Variants in KAZALD1 observed in about 807,000 individuals in gnomAD.
KAZALD1 encodes Kazal type serine peptidase inhibitor domain 1, also known as kazal-type serine protease inhibitor domain-containing protein 1.
A neutral mutation model predicts 27.7 loss-of-function variants in KAZALD1; 31 were observed. The ratio of observed to expected loss-of-function variants is 1.12; its 90% CI spans 0.84 to 1.51. The LOEUF is 1.51. KAZALD1 is among the 40% of genes most tolerant of loss of function. The pLI, the probability that KAZALD1 is intolerant of heterozygous loss-of-function variation, is 0.00. For synonymous variants in KAZALD1, 179 were observed against 182.0 expected (o/e 0.98, Z 0.13); for missense variants, 444 against 408.9 (o/e 1.09, Z -0.74).
chr10:101,066,911 T>C lies in KAZALD1; in HGVS notation c.*1991T>C, dbSNP rs908625811. The C allele has an allele frequency of 1.6e-5, 5 of 317,858 alleles. No homozygotes were observed. Among genetic ancestry groups the C allele is most frequent in the Non-Finnish European group, 2.5e-5 (4 of 162,654 alleles). The allele number at this position is 317,858 out of a possible 1,614,324, so 19.7% of individuals were successfully genotyped here. On this transcript the variant is annotated 3_prime_UTR_variant, in exon 5 of 5. Coordinates refer to ENST00000370200, the MANE Select transcript of KAZALD1 (RefSeq NM_030929.5). The stretch of plus-strand genomic sequence containing the variant: ...ACCACAGCCTGGAATGGGAGAACTG[T>C]TGTCCACCGCCCCCTCCCTCCCCGC...
downstream of KAZALD1, chr10:101,068,130 A>C: frequency 2.4e-6 from 1 of 421,314 alleles, no homozygotes; most frequent in Non-Finnish European, 5.0e-6. Flanking sequence ...AAGATGCTTC[A>C]ATTTGTATTC....
chr10:101,062,737 G>C lies in KAZALD1; in HGVS notation c.145G>C (p.Glu49Gln), dbSNP rs1260597028. 5.8e-6 allele frequency: 9 copies of C among 1,540,684 alleles called. No homozygotes were observed. The highest frequency in any genetic ancestry group is 7.8e-6 in the Non-Finnish European group (9 of 1,152,380). ...GCGCGGCTGGATGCGGCTGCTAGCGGAGGGCGAGGGCTGCGCTCCCTGCCG... is the reference window on the plus strand; with the variant it reads ...GCGCGGCTGGATGCGGCTGCTAGCGCAGGGCGAGGGCTGCGCTCCCTGCCG... The part of the protein sequence containing the change: ...LRRGWMRLLA[E>Q]GEGCAPCRPE... The change falls in exon 2 of 5, where the codon GAG (glutamate) becomes CAG (glutamine). Residue 49 changes from glutamate to glutamine, a missense_variant. By Grantham distance (29) the Glu-to-Gln change is conservative. Coordinates refer to ENST00000370200, the MANE Select transcript of KAZALD1 (RefSeq NM_030929.5).
Position 101,064,906 on chromosome 10 carries a change from G to A in KAZALD1, c.901G>A (p.Asp301Asn), listed in dbSNP as rs1336077913. Residue 301 changes from aspartate (D) to asparagine (N), a missense_variant, in exon 5 of 5, where the codon GAC becomes AAC. Transcript: ENST00000370200. ...PEEEAESEEN[D>N]DYY ...GGAGGAGGCTGAGAGTGAAGAGAATGACGATTACTACTAGGTCCAGAGCTC... is the reference window on the plus strand; with the variant it reads ...GGAGGAGGCTGAGAGTGAAGAGAATAACGATTACTACTAGGTCCAGAGCTC... 1 of 1,613,202 alleles carries A rather than the reference G, an allele frequency of 6.2e-7. No individual in the cohort carries two copies. The highest frequency in any genetic ancestry group is 1.1e-5 in the South Asian group (1 of 91,060).
downstream of KAZALD1, chr10:101,067,115 C>T (rs1939342802): frequency 5.8e-6 from 2 of 343,976 alleles, no homozygotes; most frequent in African/African-American, 2.2e-5. Flanking sequence ...AATAATTTCC[C>T]GCTGCTCCCG....
At position 101,065,813 on chromosome 10, in the gene KAZALD1, G is replaced by T. The variant is rs1194059588; in HGVS notation, c.*893G>T. Among the ~76,000 whole-genome samples, 1 of 152,218 alleles carries T rather than the reference G, an allele frequency of 6.6e-6. No homozygotes were observed. The highest frequency in any genetic ancestry group is 1.5e-5 in the Non-Finnish European group (1 of 68,036). ...ATCTTCCCCGTCTGCCCTCCATTGG[G>T]GCTGATATACATTATCTGCTTCTTT... On this transcript the variant is annotated 3_prime_UTR_variant, in exon 5 of 5. Coordinates refer to ENST00000370200, the MANE Select transcript of KAZALD1 (RefSeq NM_030929.5).
rs1360765478 is a variant in KAZALD1, at chr10:101,065,646, A to G, written c.*726A>G. ...TGAATATCCCTGGGAGGCCTCCCACACTAACAGAACTCTGGCTTCCAGAAG... is the reference window on the plus strand; with the variant it reads ...TGAATATCCCTGGGAGGCCTCCCACGCTAACAGAACTCTGGCTTCCAGAAG... On this transcript the variant is annotated 3_prime_UTR_variant, in exon 5 of 5. Coordinates refer to ENST00000370200, the MANE Select transcript of KAZALD1 (RefSeq NM_030929.5). The G allele has an allele frequency of 6.6e-6, 1 of 152,330 alleles. No homozygotes were observed. The highest frequency in any genetic ancestry group is 6.5e-5 in the Admixed American group (1 of 15,288). 9.4% of individuals were successfully genotyped at this position (152,330 alleles called of 1,614,324 possible).
chr10:101,063,522 C>G (rs911596765), intron 2 of KAZALD1, among the ~76,000 whole-genome samples: 25 of 152,214 alleles, frequency 1.6e-4, no homozygotes, highest in African/African-American at 6.0e-4. Flanking sequence ...GTTTGTTCAC[C>G]CAGTCTCCCC....
In KAZALD1 at chr10:101,066,301, C is replaced by A; in HGVS notation, c.*1381C>A. On this transcript the variant is annotated 3_prime_UTR_variant, in exon 5 of 5. Coordinates refer to ENST00000370200, the MANE Select transcript of KAZALD1 (RefSeq NM_030929.5). ...AGAGTTTGTCCTCTGGGGCCCAACGCAGGGAGCCTGGCCACATGGGAGGGG... is the reference window on the plus strand; with the variant it reads ...AGAGTTTGTCCTCTGGGGCCCAACGAAGGGAGCCTGGCCACATGGGAGGGG... 2.3e-6 allele frequency: 1 copy of A among 434,354 alleles called. No homozygotes were observed. Among genetic ancestry groups the A allele is most frequent in the Non-Finnish European group, 4.7e-6 (1 of 212,686 alleles). The allele number at this position is 434,354 out of a possible 1,614,324, so 26.9% of individuals were successfully genotyped here.
Position 101,062,673 on chromosome 10 carries a change from G to T in KAZALD1, c.81G>T (p.Pro27=). 1 of 1,548,432 alleles carries T rather than the reference G, an allele frequency of 6.5e-7. No homozygotes were observed. The highest frequency in any genetic ancestry group is 2.4e-5 in the East Asian group (1 of 41,196). ...TGCTGGTGGTGCTGACGCCGCCCCCGACCGGCGCAAGGCCATCCCCAGGCC... is the reference window on the plus strand; with the variant it reads ...TGCTGGTGGTGCTGACGCCGCCCCCTACCGGCGCAAGGCCATCCCCAGGCC... ...LLLLVVLTPP[P]TGARPSPGPD... is the part of the protein sequence containing the mutation. Residue 27 remains proline (P), a synonymous_variant, in exon 2 of 5, where the codon CCG becomes CCT. Coordinates refer to ENST00000370200, the MANE Select transcript of KAZALD1 (RefSeq NM_030929.5).
rs770134944 is a variant in KAZALD1 at position 101,063,049 on chromosome 10, C to T, written c.457C>T (p.Arg153Cys). The change falls in exon 2 of 5, where the codon CGC (arginine) becomes TGC (cysteine). Residue 153 changes from arginine (R) to cysteine (C), a missense_variant. By Grantham distance (180) the Arg-to-Cys change is radical. Coordinates refer to ENST00000370200, the MANE Select transcript of KAZALD1 (RefSeq NM_030929.5). ...SQICRLQEAA[R>C]ARPDANLTVA... Reference sequence around the variant, plus strand: ...GATCTGCCGCCTGCAGGAGGCGGCCCGCGCTCGGCCCGATGCCAACCTCAC... The same window carrying T: ...GATCTGCCGCCTGCAGGAGGCGGCCTGCGCTCGGCCCGATGCCAACCTCAC... The T allele has an allele frequency of 1.3e-6, 2 of 1,583,292 alleles. No individual in the cohort carries two copies. Among genetic ancestry groups the T allele is most frequent in the Non-Finnish European group, 1.7e-6 (2 of 1,168,516 alleles).
At chr10:101,062,424 C>G in intron 1 of KAZALD1, 118 bp from the exon 2 acceptor site, 4 of 1,018,834 alleles carry the variant, frequency 3.9e-6, no homozygotes, top group Non-Finnish European at 5.5e-6. Flanking sequence ...GGGGAGGCTA[C>G]TTGGTAGCAG....
chr10:101,066,405 T>C lies in KAZALD1; in HGVS notation c.*1485T>C. On this transcript the variant is annotated 3_prime_UTR_variant, in exon 5 of 5. Coordinates refer to ENST00000370200, the MANE Select transcript of KAZALD1 (RefSeq NM_030929.5). ...CGCACTACTCCATCTACTGCTGGCTTGCCCCGGGTCCTTAAGCCAGCGACA... is the reference window on the plus strand; with the variant it reads ...CGCACTACTCCATCTACTGCTGGCTCGCCCCGGGTCCTTAAGCCAGCGACA... 1 of 456,762 alleles carries C rather than the reference T, an allele frequency of 2.2e-6. No individual in the cohort carries two copies. The highest frequency in any genetic ancestry group is 1.5e-5 in the South Asian group (1 of 64,572). The allele number at this position is 456,762 out of a possible 1,614,324, so 28.3% of individuals were successfully genotyped here.
chr10:101,067,823 G>A, downstream of KAZALD1: 1 of 425,550 alleles, frequency 2.3e-6, no homozygotes, highest in Non-Finnish European at 4.9e-6. Context: ...GGAAGCCCGA[G>A]AGATGAACCC....
downstream of KAZALD1, chr10:101,067,704 G>A (rs1207172375): frequency 2.8e-6 from 1 of 354,418 alleles, no homozygotes; most frequent in Admixed American, 4.0e-5. Flanking sequence ...ATAACTGAGG[G>A]TGTCCTGGCG....
In KAZALD1 at chr10:101,065,052, G is replaced by A; in HGVS notation, c.*132G>A. ...GCTGTCAGTAGGGATGATCATGGGA[G>A]GCCTATTTGACTCCAAGGTAGCAGT... On this transcript the variant is annotated 3_prime_UTR_variant, in exon 5 of 5. Transcript: ENST00000370200. The A allele has an allele frequency of 1.5e-6, 1 of 665,474 alleles. No homozygotes were observed. The highest frequency in any genetic ancestry group is 1.8e-5 in the South Asian group (1 of 55,858). The allele number at this position is 665,474 out of a possible 1,614,324, so 41.2% of individuals were successfully genotyped here. A position where few individuals can be genotyped will look rare whatever the true frequency, so the allele number is the denominator to read the frequency against.
chr10:101,066,554 C>CGGGGGTGGGG lies in KAZALD1; in HGVS notation c.*1635_*1644dup. On this transcript the variant is annotated 3_prime_UTR_variant, in exon 5 of 5. Coordinates refer to ENST00000370200, the MANE Select transcript of KAZALD1 (RefSeq NM_030929.5). ...ACAGAAGCAGAATCAGAGGGGTAGG[C>CGGGGGTGGGG]GGGGGTGGGGCGTGCTGTTCGGCGC... 1 of 305,540 alleles carries CGGGGGTGGGG rather than the reference C, an allele frequency of 3.3e-6. No individual in the cohort carries two copies. The highest frequency in any genetic ancestry group is 3.7e-5 in the Admixed American group (1 of 26,846). The allele number at this position is 305,540 out of a possible 1,614,324, so 18.9% of individuals were successfully genotyped here.
In KAZALD1 at chr10:101,066,505, C is replaced by T. The variant is rs1283458251; in HGVS notation, c.*1585C>T. 2.2e-6 allele frequency: 1 copy of T among 455,942 alleles called. No individual in the cohort carries two copies. Among genetic ancestry groups the T allele is most frequent in the Admixed American group, 2.4e-5 (1 of 42,544 alleles). The allele number at this position is 455,942 out of a possible 1,614,324, so 28.2% of individuals were successfully genotyped here. A position where few individuals can be genotyped will look rare whatever the true frequency, so the allele number is the denominator to read the frequency against. Reference sequence around the variant, plus strand: ...CACAACAGCGCAAGCGGGCTGGATACCGGGAGCCGATTCCAGGGCGCCCAC... The same window carrying T: ...CACAACAGCGCAAGCGGGCTGGATATCGGGAGCCGATTCCAGGGCGCCCAC... On this transcript the variant is annotated 3_prime_UTR_variant, in exon 5 of 5. Transcript: ENST00000370200.
At chr10:101,062,486 G>C in intron 1 of KAZALD1, 56 bp from the exon 2 acceptor site, 2 of 1,482,852 alleles carry the variant, frequency 1.3e-6, no homozygotes, top group Non-Finnish European at 8.9e-7. Context: ...AGTGAGGTTG[G>C]TCTTTCGGCA....
At chr10:101,067,548 A>G (rs1939356581), downstream of KAZALD1, 4 of 350,532 alleles carry the variant, frequency 1.1e-5, no homozygotes, top group Admixed American at 1.2e-4. Flanking sequence ...TCCTCCATCT[A>G]GAGCAGGGTG....
Sources: gnomAD v4.1 joint callset for allele counts (sites outside exome capture counted in the v4.1 genomes callset) on GRCh38, gnomAD v4.1.1 for gene constraint, MANE v1.5 for transcripts, NCBI Gene and HGNC (gene_info 2026-07-23, HGNC 2026-07-21) for gene names.